The following CCDC102B variants were observed in gnomAD, a reference collection of about 807,000 sequenced individuals.
CCDC102B encodes coiled-coil domain containing 102B.
CCDC102B carries 75 observed loss-of-function variants against 57.4 expected under a neutral mutation model. The ratio of observed to expected loss-of-function variants is 1.31; its 90% confidence interval spans 1.08 to 1.58. The LOEUF (loss-of-function observed/expected upper bound fraction) is 1.58, where lower values mean the gene tolerates loss of function less well. CCDC102B is among the 40% of genes most tolerant of loss of function. CCDC102B has a pLI of 0.00. For missense variants in CCDC102B, 636 were observed against 582.6 expected (o/e 1.09, Z -0.94); for synonymous variants, 206 against 201.9 (o/e 1.02, Z -0.17).
At chr18:68,890,394 CCTGA>C (rs2040032444) in intron 5 of CCDC102B, among the ~76,000 whole-genome samples, 1 of 152,046 alleles carries the variant, frequency 6.6e-6, no homozygotes, top group African/African-American at 2.4e-5. Context: ...TGCCACCACG[CCTGA>C]CTAAATTTTG....
chr18:68,745,962 T>C (rs966919841), intron 2 of CCDC102B, among the ~76,000 whole-genome samples: 1 of 152,160 alleles, frequency 6.6e-6, no homozygotes, highest in African/African-American at 2.4e-5. Context: ...GGGGGTACCA[T>C]TTATTGGGCT....
At position 68,873,904 on chromosome 18, in the gene CCDC102B, G is replaced by A. The variant is rs369395829; in HGVS notation, c.937-765G>A. On this transcript the variant is annotated intron_variant, in intron 4 of 7. Coordinates refer to ENST00000360242, the MANE Select transcript of CCDC102B (RefSeq NM_024781.3). ...AACATAGCTTAAAATATATGTCAAT[G>A]CAACAAAACATAGCTTAAAATATAT... Among the ~76,000 whole-genome samples the A allele has an allele frequency of 5.5e-5, 5 of 90,914 alleles. No homozygotes were observed. The South Asian group carries it at 1.7e-3, about 31-fold the overall frequency. 59.6% of individuals were successfully genotyped at this position (90,914 alleles called of 152,430 possible).
chr18:68,732,948 G>A (rs1229768039), intron 2 of CCDC102B, among the ~76,000 whole-genome samples: 1 of 151,702 alleles, frequency 6.6e-6, no homozygotes, highest in Non-Finnish European at 1.5e-5. Context: ...TTTAGCCTAG[G>A]GACAAAATAA....
At chr18:68,780,377 G>C (rs1599449533) in intron 2 of CCDC102B, among the ~76,000 whole-genome samples, 1 of 151,608 alleles carries the variant, frequency 6.6e-6, no homozygotes, top group East Asian at 1.9e-4. Flanking sequence ...TAATTTTGGG[G>C]AACTGCCAGA....
At chr18:68,923,655 G>A (rs2041367778) in intron 6 of CCDC102B, among the ~76,000 whole-genome samples, 1 of 152,056 alleles carries the variant, frequency 6.6e-6, no homozygotes, top group Non-Finnish European at 1.5e-5. Context: ...AAAGAGTGAA[G>A]AAAAGCATTG....
At chr18:68,789,170 T>C (rs1024150074) in intron 2 of CCDC102B, among the ~76,000 whole-genome samples, 62 of 152,206 alleles carry the variant, frequency 4.1e-4, no homozygotes, top group Non-Finnish European at 7.5e-4. Context: ...CACTCTCTTC[T>C]GGCTTGTAGC....
At chr18:68,775,736 C>G (rs1039979154) in intron 2 of CCDC102B, among the ~76,000 whole-genome samples, 1 of 150,790 alleles carries the variant, frequency 6.6e-6, no homozygotes, top group African/African-American at 2.5e-5. Context: ...TCACTGCAAC[C>G]TCTCCCTCCT....
intron 2 of CCDC102B, among the ~76,000 whole-genome samples, chr18:68,765,369 GAAAGAAAGAAA>G (rs1397441080): frequency 2.4e-5 from 3 of 126,180 alleles, no homozygotes; most frequent in African/African-American, 6.1e-5. Flanking sequence ...AAGAAAGAAA[GAAAGAAAGAAA>G]AGAAAGAAAG....
intron 1 of CCDC102B, among the ~76,000 whole-genome samples, chr18:68,816,844 T>C (rs2036505088): frequency 6.6e-6 from 1 of 152,224 alleles, no homozygotes. Flanking sequence ...AGATCAGTAA[T>C]AATGTCTAAA....
intron 2 of CCDC102B, among the ~76,000 whole-genome samples, chr18:68,784,978 TC>T (rs2035145973): frequency 1.5e-5 from 1 of 64,928 alleles, no homozygotes; most frequent in African/African-American, 6.3e-5. Flanking sequence ...CCCTCCCCCC[TC>T]CCCCCACCCC....
Position 69,014,993 on chromosome 18 carries a change from G to GTT in CCDC102B, c.1434+3890_1434+3891insTT, listed in dbSNP as rs1326916196. Among the ~76,000 whole-genome samples the GTT allele has an allele frequency of 2.0e-5, 3 of 151,730 alleles. No individual in the cohort carries two copies. The East Asian group carries it at 5.8e-4, about 30-fold the overall frequency. On this transcript the variant is annotated intron_variant, in intron 7 of 7. Coordinates refer to ENST00000360242, the MANE Select transcript of CCDC102B (RefSeq NM_024781.3). ...AGAGAGAGAGAGTGTGTGTGTGTGT[G>GTT]TGTGTGTGTGAAAGAGAAAGAGAAA...
intron 6 of CCDC102B, among the ~76,000 whole-genome samples, chr18:68,936,755 A>G (rs2049249033): frequency 1.1e-5 from 1 of 94,616 alleles, no homozygotes; most frequent in Non-Finnish European, 2.9e-5. Context: ...TCATATATAT[A>G]TATATATACA....
intron 6 of CCDC102B, among the ~76,000 whole-genome samples, chr18:68,982,315 G>T (rs1188237856): frequency 1.3e-5 from 2 of 151,784 alleles, no homozygotes; most frequent in Non-Finnish European, 2.9e-5. Context: ...TATATGTGTG[G>T]ATATATGATA....
chr18:68,773,860 T>C (rs1306268953), intron 2 of CCDC102B, among the ~76,000 whole-genome samples: 1 of 151,972 alleles, frequency 6.6e-6, no homozygotes, highest in Non-Finnish European at 1.5e-5. Flanking sequence ...CACCATGAAA[T>C]AGTCAAATAT....
chr18:68,912,958 A>G (rs2040927215), intron 6 of CCDC102B, among the ~76,000 whole-genome samples: 1 of 152,146 alleles, frequency 6.6e-6, no homozygotes, highest in African/African-American at 2.4e-5. Flanking sequence ...ATTTCAGTGT[A>G]TTTTCACTAA....
At position 68,811,454 on chromosome 18, in the gene CCDC102B, A is replaced by G. The variant is rs1373094418; in HGVS notation, c.-16+13273A>G. On this transcript the variant is annotated intron_variant, in intron 1 of 7. Transcript: ENST00000360242. ...ACATGGCAAAACCCCATCTCTACTAAGAATACAAAAATTAGCTGGGTGTGG... is the reference window on the plus strand; with the variant it reads ...ACATGGCAAAACCCCATCTCTACTAGGAATACAAAAATTAGCTGGGTGTGG... 2.6e-5 allele frequency among the ~76,000 whole-genome samples: 4 copies of G among 152,186 alleles called. No individual in the cohort carries two copies. In the East Asian group the frequency reaches 7.7e-4, roughly 29 times the overall value.
At chr18:68,774,458 G>A (rs2034744544) in intron 2 of CCDC102B, among the ~76,000 whole-genome samples, 1 of 151,814 alleles carries the variant, frequency 6.6e-6, no homozygotes, top group Admixed American at 6.6e-5. Context: ...GACAACAGCA[G>A]GAATGGTAGC....
At chr18:68,844,821 T>G (rs980544666) in intron 3 of CCDC102B, among the ~76,000 whole-genome samples, 4 of 151,922 alleles carry the variant, frequency 2.6e-5, no homozygotes, top group Non-Finnish European at 5.9e-5. Flanking sequence ...TTGGGTGTCC[T>G]CAGCTGGCTA....
chr18:68,819,756 G>A (rs1312999437), intron 1 of CCDC102B, among the ~76,000 whole-genome samples: 5 of 151,818 alleles, frequency 3.3e-5, no homozygotes, highest in Non-Finnish European at 5.9e-5. Context: ...TTTCTCTTAC[G>A]AGTGTATTGT....
Sources: gnomAD v4.1 joint callset for allele counts (sites outside exome capture counted in the v4.1 genomes callset) on GRCh38, gnomAD v4.1.1 for gene constraint, MANE v1.5 for transcripts, NCBI Gene and HGNC (gene_info 2026-07-23, HGNC 2026-07-21) for gene names.